Variants in CHD6 observed in about 807,000 individuals in gnomAD.
The protein encoded by CHD6 is chromodomain helicase DNA binding protein 6.
CHD6 carries 50 observed loss-of-function variants against 276.9 expected under a neutral mutation model. The observed-to-expected ratio is 0.18, with a 90% confidence interval of 0.14 to 0.23. The LOEUF (loss-of-function observed/expected upper bound fraction) is 0.23, where lower values mean the gene tolerates loss of function less well. CHD6 is among the 10% of genes least tolerant of loss of function. The probability of loss-of-function intolerance (pLI) is 1.00; values close to 1 mark genes in which losing one functional copy is unlikely to be tolerated. For synonymous variants in CHD6, 1,173 were observed against 1,229.3 expected, an observed-to-expected ratio of 0.95 and a Z score of 0.96; for missense variants, 2,564 against 3,365.8, an observed-to-expected ratio of 0.76 and a Z score of 5.89.
In CHD6 at chr20:41,405,243, C is replaced by A. The variant is rs1298014995; in HGVS notation, c.7498G>T (p.Ala2500Ser). 1.2e-6 allele frequency: 2 copies of A among 1,614,224 alleles called. No homozygotes were observed. The highest frequency in any genetic ancestry group is 2.2e-5 in the East Asian group (1 of 44,876). Residue 2500 changes from alanine (A) to serine (S), a missense_variant, in exon 37 of 37, where the codon GCT becomes TCT. Transcript: ENST00000373233. ...CCTGTTGGCATCGTGGCAAAGCCAG[C>A]TGGAAACCCCACCAGCCCGGTGAGG... ...IPLTGLVGFP[A>S]GFATMPTGEE...
intron 1 of CHD6, among the ~76,000 whole-genome samples, chr20:41,576,156 C>T (rs1424343552): frequency 6.6e-6 from 1 of 152,060 alleles, no homozygotes; most frequent in Non-Finnish European, 1.5e-5. Flanking sequence ...CAGGAAGACA[C>T]AAACATCTTT....
Position 41,446,602 on chromosome 20 carries a change from A to T in CHD6, c.3774-834T>A, listed in dbSNP as rs149028735. 3.3e-5 allele frequency among the ~76,000 whole-genome samples: 5 copies of T among 151,748 alleles called. No individual in the cohort carries two copies. In the South Asian group the frequency reaches 8.3e-4, roughly 25 times the overall value. On this transcript the variant is annotated intron_variant, in intron 24 of 36. Transcript: ENST00000373233. Reference sequence around the variant, plus strand: ...CCTCTGAAGTTTCTTCTTCCGTCAGACTCTTACTGTGACACAGGACCGAAT... The same window carrying T: ...CCTCTGAAGTTTCTTCTTCCGTCAGTCTCTTACTGTGACACAGGACCGAAT...
chr20:41,410,552 C>T (rs764988781), intron 36 of CHD6, among the ~76,000 whole-genome samples: 4 of 152,166 alleles, frequency 2.6e-5, no homozygotes, highest in African/African-American at 7.2e-5. Context: ...AGGAGATACA[C>T]GGGTGCCCCT....
At chr20:41,504,138 T>G (rs570770543) in intron 5 of CHD6, among the ~76,000 whole-genome samples, 1 of 148,552 alleles carries the variant, frequency 6.7e-6, no homozygotes, top group African/African-American at 2.5e-5. Context: ...GCATCGCACT[T>G]GTCTCTCTTT....
Position 41,415,636 on chromosome 20 carries a change from C to T in CHD6, c.6489G>A (p.Glu2163=), listed in dbSNP as rs2046973350. The T allele has an allele frequency of 6.3e-6, 10 of 1,576,180 alleles. No individual in the cohort carries two copies. The highest frequency in any genetic ancestry group is 7.7e-6 in the Non-Finnish European group (9 of 1,164,790). Residue 2163 remains glutamate (E), a splice_region_variant and synonymous_variant, in exon 34 of 37, where the codon GAG becomes GAA. Transcript: ENST00000373233. The part of the protein sequence containing the change: ...GAALAAQIHK[E]SFLAPVFTKD... ...TTGTGAATACTGGAGCTAAGAAGCT[C>T]TCCTGTGAACACACAAACAGCAAGA...
Position 41,483,005 on chromosome 20 carries a change from C to T in CHD6, c.2468+304G>A, listed in dbSNP as rs965117592. Among the ~76,000 whole-genome samples, 8 of 152,022 alleles carry T rather than the reference C, an allele frequency of 5.3e-5. No individual in the cohort carries two copies. In the Middle Eastern group the frequency reaches 0.01, roughly 194 times the overall value. On this transcript the variant is annotated intron_variant, in intron 16 of 36. Transcript: ENST00000373233. ...ATGTAAATACATTATTTTCTTAGCC[C>T]TTTCTAATGCTATTTGAATTATTTC...
chr20:41,589,572 T>C (rs139881651), intron 1 of CHD6, among the ~76,000 whole-genome samples: 2 of 152,204 alleles, frequency 1.3e-5, no homozygotes, highest in African/African-American at 4.8e-5. Flanking sequence ...TATACACCAA[T>C]AACAGGCAAA....
chr20:41,507,531 G>A (rs138410895), intron 5 of CHD6, among the ~76,000 whole-genome samples: 102 of 152,202 alleles, frequency 6.7e-4, no homozygotes, highest in African/African-American at 2.3e-3. Context: ...AATACACATC[G>A]AAGTAGGAAG....
rs2043350913 is a variant in CHD6 at position 41,483,835 on chromosome 20, C to A, written c.2258-316G>T. On this transcript the variant is annotated intron_variant, in intron 15 of 36. Coordinates refer to ENST00000373233, the MANE Select transcript of CHD6 (RefSeq NM_032221.5). ...CAAGAAGGACTTTCATACCTCTTGA[C>A]ATCACAAAGACTGTAAGATAATCCA... Among the ~76,000 whole-genome samples, 6 of 152,176 alleles carry A rather than the reference C, an allele frequency of 3.9e-5. No individual in the cohort carries two copies. In the South Asian group the frequency reaches 1.2e-3, roughly 32 times the overall value.
At chr20:41,417,477 GA>G in intron 31 of CHD6, 128 bp from the exon 32 acceptor site, 1 of 759,194 alleles carries the variant, frequency 1.3e-6, no homozygotes, top group South Asian at 2.6e-5. Flanking sequence ...ATTTTAAATG[GA>G]ATATTAATTA....
intron 25 of CHD6, among the ~76,000 whole-genome samples, chr20:41,444,908 CCTAA>C (rs1306671099): frequency 6.6e-6 from 1 of 152,158 alleles, no homozygotes; most frequent in Non-Finnish European, 1.5e-5. Context: ...GCCAGGTATA[CCTAA>C]CTCTTTTCAC....
At chr20:41,503,679 C>G (rs1371066461) in intron 5 of CHD6, among the ~76,000 whole-genome samples, 1 of 152,086 alleles carries the variant, frequency 6.6e-6, no homozygotes, top group Non-Finnish European at 1.5e-5. Flanking sequence ...TTTGAATCTA[C>G]TGGTTGATAT....
intron 25 of CHD6, among the ~76,000 whole-genome samples, chr20:41,441,586 G>A (rs1339477847): frequency 4.6e-5 from 7 of 152,208 alleles, no homozygotes; most frequent in Non-Finnish European, 7.3e-5. Flanking sequence ...CTCAGGCATG[G>A]AGCAAGCTGC....
rs915042950 is a variant in CHD6, at chr20:41,497,868, T to A, written c.974+300A>T. 6.9e-6 allele frequency: 3 copies of A among 437,694 alleles called. No individual in the cohort carries two copies. In the East Asian group the frequency reaches 1.3e-4, roughly 19 times the overall value. The allele number at this position is 437,694 out of a possible 1,614,324, so 27.1% of individuals were successfully genotyped here. ...ACAGGAGAGTGGTTCTCTACCCTGG[T>A]TGCATATGAGAATTGCCCAAGGAGT... is the stretch of plus-strand genomic sequence containing the variant. On this transcript the variant is annotated intron_variant, in intron 7 of 36. Coordinates refer to ENST00000373233, the MANE Select transcript of CHD6 (RefSeq NM_032221.5).
rs2047873160 is a variant in CHD6, at chr20:41,440,675, C to T, written c.3878-546G>A. 2.6e-5 allele frequency among the ~76,000 whole-genome samples: 4 copies of T among 152,160 alleles called. No individual in the cohort carries two copies. In the South Asian group the frequency reaches 8.3e-4, roughly 32 times the overall value. On this transcript the variant is annotated intron_variant, in intron 25 of 36. Transcript: ENST00000373233. ...CTTTGGAATTACTCCTCATCACACC[C>T]CAAAGTTAACAACAGACAGTGTTTT...
intron 20 of CHD6, among the ~76,000 whole-genome samples, chr20:41,454,006 G>A (rs1404793356): frequency 6.6e-6 from 1 of 152,092 alleles, no homozygotes; most frequent in African/African-American, 2.4e-5. Context: ...ATGAAGGACG[G>A]GAAATCAACA....
intron 5 of CHD6, among the ~76,000 whole-genome samples, chr20:41,512,256 A>G (rs1387923950): frequency 2.0e-5 from 3 of 152,026 alleles, no homozygotes; most frequent in Admixed American, 6.6e-5. Context: ...GTGAGCCACA[A>G]TGCCCGGCCA....
chr20:41,574,889 T>C (rs1729173819), intron 1 of CHD6, among the ~76,000 whole-genome samples: 1 of 152,196 alleles, frequency 6.6e-6, no homozygotes, highest in South Asian at 2.1e-4. Context: ...CAACTTTCCA[T>C]ACAAACAAAA....
intron 17 of CHD6, among the ~76,000 whole-genome samples, chr20:41,463,746 G>C (rs2042854674): frequency 6.6e-6 from 1 of 152,208 alleles, no homozygotes; most frequent in Admixed American, 6.5e-5. Context: ...ACCCTGGATT[G>C]AATCCTGGAC....
Sources: gnomAD v4.1 joint callset for allele counts (sites outside exome capture counted in the v4.1 genomes callset) on GRCh38, gnomAD v4.1.1 for gene constraint, MANE v1.5 for transcripts, NCBI Gene and HGNC (gene_info 2026-07-23, HGNC 2026-07-21) for gene names.